Variants in ATF7IP2 observed in about 807,000 individuals in gnomAD.
ATF7IP2 encodes activating transcription factor 7 interacting protein 2.
A neutral mutation model predicts 64.2 loss-of-function variants in ATF7IP2; 42 were observed. That is an observed-to-expected ratio of 0.65 (90% CI 0.51 to 0.85). ATF7IP2 has a LOEUF of 0.85. Ranked by LOEUF, ATF7IP2 falls within the 40% of genes least tolerant of loss-of-function variation. The pLI is 0.00. For synonymous variants in ATF7IP2, 308 were observed against 272.8 expected (o/e 1.13, Z -1.27); for missense variants, 933 against 784.2 (o/e 1.19, Z -2.27).
At chr16:10,446,345 C>T (rs1234822819) in intron 8 of ATF7IP2, 1 of 152,102 alleles carries the variant, frequency 6.6e-6, no homozygotes, top group Non-Finnish European at 1.5e-5. Context: ...TTTTAAAATT[C>T]TTGAGTCAGT....
intron 4 of ATF7IP2, among the ~76,000 whole-genome samples, chr16:10,429,604 C>T (rs554477664): frequency 8.9e-4 from 135 of 152,288 alleles, no homozygotes; most frequent in African/African-American, 3.0e-3. Context: ...CTGCCTCGGC[C>T]TCCCAAAGTG....
Position 10,440,372 on chromosome 16 carries a change from A to T in ATF7IP2, c.1104A>T (p.Ile368=), listed in dbSNP as rs2048574355. Reference sequence around the variant, plus strand: ...TTCTCTTTTTCTTCTAGGCAAAAATAGCAAAACTTCAAAGACGTATTAAAA... The same window carrying T: ...TTCTCTTTTTCTTCTAGGCAAAAATTGCAAAACTTCAAAGACGTATTAAAA... ...EGIADKLLAK[I]AKLQRRIKTV... is the part of the protein sequence containing the mutation. The change falls in exon 8 of 14, where the codon ATA becomes ATT. Residue 368 remains isoleucine (I), a synonymous_variant. Transcript: ENST00000562102. The T allele has an allele frequency of 2.0e-6, 3 of 1,532,224 alleles. No homozygotes were observed. The highest frequency in any genetic ancestry group is 2.8e-5 in the African/African-American group (2 of 70,898). 94.9% of individuals were successfully genotyped at this position (1,532,224 alleles called of 1,614,324 possible).
At position 10,412,010 on chromosome 16, in the gene ATF7IP2, G is replaced by GTTTTTTTTTTTTTTTTTTTTTTTT. The variant is rs71133351; in HGVS notation, c.-241-2558_-241-2535dup. Among the ~76,000 whole-genome samples, 15 of 58,392 alleles carry GTTTTTTTTTTTTTTTTTTTTTTTT rather than the reference G, an allele frequency of 2.6e-4. 1 individual carries two copies. The highest frequency in any genetic ancestry group is 5.6e-4 in the East Asian group (1 of 1,786). 38.3% of individuals were successfully genotyped at this position (58,392 alleles called of 152,430 possible). The stretch of plus-strand genomic sequence containing the variant: ...CTTTTTGTTTCATTTATCTTTTTTT[G>GTTTTTTTTTTTTTTTTTTTTTTTT]TTTTTTTTTTTTTTTTTTTTTTTTT... On this transcript the variant is annotated intron_variant, in intron 1 of 13. Coordinates refer to ENST00000562102, the MANE Select transcript of ATF7IP2 (RefSeq NM_001393719.1).
intron 1 of ATF7IP2, among the ~76,000 whole-genome samples, chr16:10,408,660 C>T (rs1007055543): frequency 2.0e-5 from 3 of 152,124 alleles, no homozygotes; most frequent in East Asian, 1.9e-4. Context: ...CTGTTCATTT[C>T]GTTAGCCCAC....
intron 12 of ATF7IP2, among the ~76,000 whole-genome samples, chr16:10,478,524 A>C (rs893371783): frequency 2.0e-5 from 3 of 152,210 alleles, no homozygotes; most frequent in African/African-American, 7.2e-5. Context: ...TAAAGACTTA[A>C]ACGTTAGACC....
intron 1 of ATF7IP2, among the ~76,000 whole-genome samples, chr16:10,407,935 CG>C (rs2047676675): frequency 6.7e-6 from 1 of 149,590 alleles, no homozygotes; most frequent in South Asian, 2.1e-4. Flanking sequence ...TTTTTTTAGA[CG>C]GAGTCTCGCT....
At chr16:10,436,083 G>T (rs1006163794) in intron 6 of ATF7IP2, among the ~76,000 whole-genome samples, 1 of 152,130 alleles carries the variant, frequency 6.6e-6, no homozygotes, top group East Asian at 1.9e-4. Context: ...AGTATTGGCC[G>T]GGCGTGGTGG....
chr16:10,425,251 G>C (rs1365892632), intron 3 of ATF7IP2, among the ~76,000 whole-genome samples: 1 of 136,258 alleles, frequency 7.3e-6, no homozygotes, highest in South Asian at 2.3e-4. Context: ...TGTACTTTTA[G>C]TAGAAACGGG....
chr16:10,457,484 A>T lies in ATF7IP2; in HGVS notation c.1307A>T (p.Lys436Ile). The change falls in exon 9 of 14, where the codon AAA (lysine) becomes ATA (isoleucine). Residue 436 changes from lysine to isoleucine, a missense_variant. Lys to Ile is a moderately radical substitution (Grantham distance 102, BLOSUM62 -3). Transcript: ENST00000562102. The part of the protein sequence containing the change: ...EPSNPSEKGS[K>I]KINLSSDQNK... ...TCTAACCCTTCCGAAAAAGGAAGTA[A>T]AAAAATTAATTTGTCATCAGATCAA... 6.3e-7 allele frequency: 1 copy of T among 1,597,278 alleles called. No homozygotes were observed. The highest frequency in any genetic ancestry group is 8.5e-7 in the Non-Finnish European group (1 of 1,174,914).
chr16:10,423,097 A>G (rs950488607), intron 3 of ATF7IP2, among the ~76,000 whole-genome samples: 14 of 152,208 alleles, frequency 9.2e-5, no homozygotes, highest in African/African-American at 3.4e-4. Flanking sequence ...ACAAAAAATT[A>G]GCCAGGCGTG....
chr16:10,453,296 G>A (rs138917974), intron 8 of ATF7IP2, among the ~76,000 whole-genome samples: 17 of 152,266 alleles, frequency 1.1e-4, no homozygotes, highest in Admixed American at 6.5e-5. Flanking sequence ...GGAGTGTACC[G>A]TTCCTCACGG....
chr16:10,427,567 T>C (rs577696132), intron 3 of ATF7IP2, among the ~76,000 whole-genome samples: 3 of 152,298 alleles, frequency 2.0e-5, no homozygotes, highest in African/African-American at 7.2e-5. Context: ...AATAGCATTG[T>C]TGTGTCAGAA....
chr16:10,425,109 C>T (rs1357810527), intron 3 of ATF7IP2, among the ~76,000 whole-genome samples: 8 of 144,852 alleles, frequency 5.5e-5, no homozygotes, highest in East Asian at 4.0e-4. Flanking sequence ...ACCAGGCTAG[C>T]GTGCAATGGC....
chr16:10,435,174 C>G (rs917255960), intron 6 of ATF7IP2, among the ~76,000 whole-genome samples: 1 of 152,196 alleles, frequency 6.6e-6, no homozygotes, highest in Non-Finnish European at 1.5e-5. Context: ...TAGATGTTTA[C>G]CTTGTTTGAA....
intron 12 of ATF7IP2, among the ~76,000 whole-genome samples, chr16:10,477,950 T>C (rs10852318): frequency 0.42 from 53,486 of 127,558 alleles, 11,652 homozygotes; most frequent in Non-Finnish European, 0.5. Flanking sequence ...TTACAAGGGA[T>C]GTGAAGGACC....
intron 9 of ATF7IP2, among the ~76,000 whole-genome samples, chr16:10,465,527 C>T (rs1248424987): frequency 6.6e-6 from 1 of 151,376 alleles, no homozygotes; most frequent in African/African-American, 2.4e-5. Flanking sequence ...CTCCTGAGGT[C>T]AGGAATTTGA....
chr16:10,464,068 C>T (rs1222869106), intron 9 of ATF7IP2, among the ~76,000 whole-genome samples: 1 of 152,178 alleles, frequency 6.6e-6, no homozygotes, highest in East Asian at 1.9e-4. Context: ...CAGCTCACTT[C>T]TCTTGGATCT....
rs535264937 is a variant in ATF7IP2 at position 10,422,470 on chromosome 16, A to T, written c.-160+2847A>T. Among the ~76,000 whole-genome samples the T allele has an allele frequency of 3.3e-5, 5 of 152,236 alleles. 1 individual carries two copies. The highest frequency in any genetic ancestry group is 1.2e-4 in the African/African-American group (5 of 41,532). Reference sequence around the variant, plus strand: ...GTTGTAATAAATCTCTCCCCCATAAATTTATAGGTATAGAAGTTACAATTG... The same window carrying T: ...GTTGTAATAAATCTCTCCCCCATAATTTTATAGGTATAGAAGTTACAATTG... On this transcript the variant is annotated intron_variant, in intron 3 of 13. Coordinates refer to ENST00000562102, the MANE Select transcript of ATF7IP2 (RefSeq NM_001393719.1).
At chr16:10,402,971 A>G (rs2083953) in intron 1 of ATF7IP2, among the ~76,000 whole-genome samples, 72,236 of 151,630 alleles carry the variant, frequency 0.48, 18,040 homozygotes, top group East Asian at 0.56. Context: ...AGAATGTTCC[A>G]TGTGCTAATG....
Sources: gnomAD v4.1 joint callset for allele counts (sites outside exome capture counted in the v4.1 genomes callset) on GRCh38, gnomAD v4.1.1 for gene constraint, MANE v1.5 for transcripts, NCBI Gene and HGNC (gene_info 2026-07-23, HGNC 2026-07-21) for gene names.